PTK2: variants seen among roughly 807,000 people sequenced by gnomAD.
The protein encoded by PTK2 is protein tyrosine kinase 2.
Under a neutral mutation model 150.1 loss-of-function variants are expected in PTK2, and 45 were observed. The observed-to-expected ratio is 0.30, with a 90% CI of 0.24 to 0.38. The LOEUF (loss-of-function observed/expected upper bound fraction) is 0.38. PTK2 is among the 10% of genes least tolerant of loss of function. The pLI is 1.00. For synonymous variants in PTK2, 432 were observed against 449.2 expected (o/e 0.96, Z 0.48); for missense variants, 919 against 1,307.3 (o/e 0.70, Z 4.58).
At chr8:140,780,301 T>C (rs1277746736) in intron 14 of PTK2, among the ~76,000 whole-genome samples, 1 of 152,176 alleles carries the variant, frequency 6.6e-6, no homozygotes, top group Admixed American at 6.5e-5. Context: ...AACGTTCTCA[T>C]GTATGGATCA....
chr8:140,778,068 C>T (rs773925270), intron 14 of PTK2, among the ~76,000 whole-genome samples: 19 of 152,156 alleles, frequency 1.2e-4, no homozygotes, highest in Non-Finnish European at 2.5e-4. Context: ...AAACCTGTTG[C>T]CACAATGATT....
At chr8:140,684,152 C>T (rs1564313045) in intron 27 of PTK2, among the ~76,000 whole-genome samples, 1 of 152,158 alleles carries the variant, frequency 6.6e-6, no homozygotes, top group Non-Finnish European at 1.5e-5. Context: ...GATAAACGAG[C>T]AGTCCCCAAT....
At chr8:140,852,517 A>G (rs998080366) in intron 5 of PTK2, among the ~76,000 whole-genome samples, 1 of 152,208 alleles carries the variant, frequency 6.6e-6, no homozygotes, top group African/African-American at 2.4e-5. Context: ...GCCAGTATCA[A>G]TTTCCTTATT....
At chr8:140,791,280 G>A (rs1279964713) in intron 13 of PTK2, among the ~76,000 whole-genome samples, 1 of 152,078 alleles carries the variant, frequency 6.6e-6, no homozygotes, top group South Asian at 2.1e-4. Context: ...TCAAACCCCC[G>A]GGCTTCAGTG....
At chr8:140,907,732 C>G (rs1027662732) in intron 2 of PTK2, among the ~76,000 whole-genome samples, 3 of 152,074 alleles carry the variant, frequency 2.0e-5, no homozygotes, top group Non-Finnish European at 4.4e-5. Context: ...GATGCTGATT[C>G]ATGATATTTG....
intron 5 of PTK2, among the ~76,000 whole-genome samples, chr8:140,852,279 A>T (rs1262762623): frequency 6.6e-6 from 1 of 152,230 alleles, no homozygotes; most frequent in East Asian, 1.9e-4. Context: ...TATAACGTAT[A>T]AACAACAGAT....
intron 1 of PTK2, among the ~76,000 whole-genome samples, chr8:140,936,357 C>A (rs1343303346): frequency 1.3e-5 from 2 of 152,112 alleles, no homozygotes; most frequent in Non-Finnish European, 2.9e-5. Flanking sequence ...AAATTCTCAG[C>A]AATGTACTGA....
chr8:140,974,455 C>T (rs755107268), intron 1 of PTK2, among the ~76,000 whole-genome samples: 6 of 152,162 alleles, frequency 3.9e-5, no homozygotes, highest in Non-Finnish European at 7.3e-5. Flanking sequence ...GTCTCCAGCT[C>T]GCTTTTTATG....
In PTK2 at chr8:140,814,154, C is replaced by T. The variant is rs150461300; in HGVS notation, c.867+4123G>A. 5.5e-3 allele frequency among the ~76,000 whole-genome samples: 839 copies of T among 152,158 alleles called. 7 individuals are homozygous for T. Among genetic ancestry groups the T allele is most frequent in the South Asian group, 0.018 (88 of 4,818 alleles). On this transcript the variant is annotated intron_variant, in intron 10 of 31. Transcript: ENST00000522684. The stretch of plus-strand genomic sequence containing the variant: ...CAATAATGAGCTCTGAAATTGAATC[C>T]GTAATAAATAGCCTACCAACCCAAT...
At chr8:140,760,458 T>G (rs899359603) in intron 16 of PTK2, among the ~76,000 whole-genome samples, 3 of 152,198 alleles carry the variant, frequency 2.0e-5, no homozygotes, top group Admixed American at 6.5e-5. Flanking sequence ...AATATTATGC[T>G]AAGCAGAAGC....
intron 2 of PTK2, 58 bp downstream of exon 2, chr8:140,925,603 A>C (rs2100169136): frequency 1.1e-6 from 1 of 948,386 alleles, no homozygotes; most frequent in South Asian, 4.9e-5. Context: ...AAGTTCCAAA[A>C]GGTGACAGTA....
chr8:140,933,896 G>C (rs966331658), intron 1 of PTK2, among the ~76,000 whole-genome samples: 1 of 151,950 alleles, frequency 6.6e-6, no homozygotes, highest in Non-Finnish European at 1.5e-5. Flanking sequence ...AGTGAGTAGA[G>C]ATTTTCAAGT....
chr8:140,758,307 T>C (rs1188678157), intron 16 of PTK2, among the ~76,000 whole-genome samples: 4 of 152,224 alleles, frequency 2.6e-5, no homozygotes, highest in Non-Finnish European at 4.4e-5. Context: ...CAGGCTGGTA[T>C]TGAACTCCTG....
At chr8:140,850,468 G>C (rs956818976) in intron 5 of PTK2, among the ~76,000 whole-genome samples, 2 of 150,072 alleles carry the variant, frequency 1.3e-5, no homozygotes, top group Non-Finnish European at 3.0e-5. Flanking sequence ...GCTTATGTCT[G>C]TAATCCCAGC....
intron 8 of PTK2, chr8:140,820,864 G>C (rs2100108128): frequency 6.6e-6 from 1 of 152,346 alleles, no homozygotes; most frequent in Non-Finnish European, 1.5e-5. Context: ...TAATCTCAGT[G>C]GGTCAGGGAC....
intron 1 of PTK2, among the ~76,000 whole-genome samples, chr8:140,962,664 C>T (rs1050438273): frequency 5.3e-5 from 8 of 151,982 alleles, no homozygotes; most frequent in African/African-American, 1.9e-4. Flanking sequence ...GGTGGCTAAT[C>T]CCAGCTACTC....
In PTK2 at chr8:140,662,932, G is replaced by A. The variant is rs908281869; in HGVS notation, c.2946+1985C>T. The A allele has an allele frequency of 5.9e-5, 25 of 422,654 alleles. No individual in the cohort carries two copies. In the Admixed American group the frequency reaches 7.5e-4, roughly 13 times the overall value. The allele number at this position is 422,654 out of a possible 1,614,324, so 26.2% of individuals were successfully genotyped here. A position where few individuals can be genotyped will look rare whatever the true frequency, so the allele number is the denominator to read the frequency against. Reference sequence around the variant, plus strand: ...ATGTCATGAAAGATAAAAAAAGGCTGAGGAGCTGTTTCAGATGAAAGGAGG... The same window carrying A: ...ATGTCATGAAAGATAAAAAAAGGCTAAGGAGCTGTTTCAGATGAAAGGAGG... On this transcript the variant is annotated intron_variant, in intron 31 of 31. Coordinates refer to ENST00000522684, the Ensembl canonical transcript of PTK2.
intron 14 of PTK2, among the ~76,000 whole-genome samples, chr8:140,781,499 A>C (rs1257826098): frequency 1.3e-5 from 2 of 152,134 alleles, no homozygotes; most frequent in Non-Finnish European, 2.9e-5. Flanking sequence ...AGAAGATGGG[A>C]ATACTCTCTT....
chr8:140,863,770 G>C (rs190203389), intron 5 of PTK2, among the ~76,000 whole-genome samples: 2 of 152,106 alleles, frequency 1.3e-5, no homozygotes, highest in Middle Eastern at 3.2e-3. Context: ...TGGATTATGC[G>C]ATTTATTTCT....
Sources: gnomAD v4.1 joint callset for allele counts (sites outside exome capture counted in the v4.1 genomes callset) on GRCh38, gnomAD v4.1.1 for gene constraint, MANE v1.5 for transcripts, NCBI Gene and HGNC (gene_info 2026-07-23, HGNC 2026-07-21) for gene names.